Variants in ITPR2 observed in about 807,000 individuals in gnomAD.
ITPR2 encodes the protein inositol 1,4,5-trisphosphate receptor type 2.
ITPR2 carries 207 observed loss-of-function variants against 317.1 expected under a neutral mutation model. The ratio of observed to expected loss-of-function variants is 0.65; its 90% CI spans 0.58 to 0.73. The LOEUF is 0.73. Ranked by LOEUF, ITPR2 falls within the 30% of genes least tolerant of loss-of-function variation. The pLI is 0.00. For synonymous variants in ITPR2, 1,156 were observed against 1,149.1 expected (o/e 1.01, Z -0.12); for missense variants, 2,613 against 3,284.0 (o/e 0.80, Z 4.99).
At chr12:26,524,722 A>G (rs1943764036) in intron 37 of ITPR2, among the ~76,000 whole-genome samples, 1 of 152,188 alleles carries the variant, frequency 6.6e-6, no homozygotes, top group African/African-American at 2.4e-5. Flanking sequence ...AAGTACACAA[A>G]CCAGATATTT....
At chr12:26,615,348 A>G (rs1382954030) in intron 26 of ITPR2, among the ~76,000 whole-genome samples, 1 of 152,048 alleles carries the variant, frequency 6.6e-6, no homozygotes, top group Non-Finnish European at 1.5e-5. Flanking sequence ...GAAAAAAATG[A>G]AATTTCAGGT....
chr12:26,829,663 T>C (rs190163199), intron 1 of ITPR2, among the ~76,000 whole-genome samples: 216 of 152,306 alleles, frequency 1.4e-3, no homozygotes, highest in African/African-American at 5.0e-3. Context: ...TGAGTATCCT[T>C]TGGACACTAT....
chr12:26,600,051 C>T lies in ITPR2; in HGVS notation c.3737G>A (p.Cys1246Tyr). ...AACTTGATTCTGTGGATTTCCTCGACAGAAATTCTGCAGAAATGTATGGGC... is the reference window on the plus strand; with the variant it reads ...AACTTGATTCTGTGGATTTCCTCGATAGAAATTCTGCAGAAATGTATGGGC... ...NLAHTFLQNF[C>Y]RGNPQNQVLL... The change falls in exon 29 of 57, where the codon TGT (cysteine) becomes TAT (tyrosine). Residue 1246 changes from cysteine to tyrosine, a missense_variant. Transcript: ENST00000381340. 1 of 1,606,756 alleles carries T rather than the reference C, an allele frequency of 6.2e-7. No homozygotes were observed. Among genetic ancestry groups the T allele is most frequent in the Non-Finnish European group, 8.5e-7 (1 of 1,173,564 alleles).
At chr12:26,492,635 A>G (rs537851294) in intron 39 of ITPR2, among the ~76,000 whole-genome samples, 7 of 152,304 alleles carry the variant, frequency 4.6e-5, no homozygotes, top group African/African-American at 1.7e-4. Flanking sequence ...TCATCCATTG[A>G]TAAGTGAAAT....
Position 26,597,701 on chromosome 12 carries a change from T to C in ITPR2, c.4003-567A>G, listed in dbSNP as rs181880391. ...CAAAAAACCGAGAGAAACAAAGATA[T>C]GAATAGGTAGGGTCTTTTAAGACAT... On this transcript the variant is annotated intron_variant, in intron 30 of 56. Transcript: ENST00000381340. Among the ~76,000 whole-genome samples, 8 of 152,264 alleles carry C rather than the reference T, an allele frequency of 5.3e-5. No individual in the cohort carries two copies. In the East Asian group the frequency reaches 1.5e-3, roughly 29 times the overall value.
chr12:26,567,950 T>TTATA (rs371931358), intron 34 of ITPR2, among the ~76,000 whole-genome samples: 2 of 112,210 alleles, frequency 1.8e-5, no homozygotes, highest in East Asian at 3.1e-4. Context: ...TATATATATA[T>TTATA]TATATATATA....
At chr12:26,392,439 A>G (rs1476775369) in intron 54 of ITPR2, among the ~76,000 whole-genome samples, 1 of 151,790 alleles carries the variant, frequency 6.6e-6, no homozygotes, top group Non-Finnish European at 1.5e-5. Context: ...CACTTCCACC[A>G]CCGACTCCCA....
intron 2 of ITPR2, among the ~76,000 whole-genome samples, chr12:26,745,282 T>G (rs1949300350): frequency 6.6e-6 from 1 of 152,266 alleles, no homozygotes; most frequent in Non-Finnish European, 1.5e-5. Context: ...CTGGTTCAAC[T>G]GATGCTGAGT....
chr12:26,356,504 A>T (rs1430568283), intron 55 of ITPR2, among the ~76,000 whole-genome samples: 1 of 152,244 alleles, frequency 6.6e-6, no homozygotes, highest in Non-Finnish European at 1.5e-5. Flanking sequence ...TCATAATTAT[A>T]AGATGCGTAG....
intron 32 of ITPR2, among the ~76,000 whole-genome samples, chr12:26,591,079 C>CAAAAAAAAAA (rs34387951): frequency 2.3e-5 from 1 of 43,404 alleles, no homozygotes; most frequent in Non-Finnish European, 4.0e-5. Context: ...GACTCCATCT[C>CAAAAAAAAAA]AAAAAAAAAA....
At chr12:26,638,139 A>T (rs537531600) in intron 21 of ITPR2, among the ~76,000 whole-genome samples, 1 of 152,368 alleles carries the variant, frequency 6.6e-6, no homozygotes, top group South Asian at 2.1e-4. Flanking sequence ...AAAGCAATTC[A>T]TATAAAATAG....
intron 37 of ITPR2, among the ~76,000 whole-genome samples, chr12:26,528,117 TG>T (rs907836287): frequency 7.9e-5 from 12 of 152,242 alleles, no homozygotes; most frequent in African/African-American, 2.9e-4. Flanking sequence ...GCCGTTAGGT[TG>T]GGGGGAAATA....
At chr12:26,485,963 T>G (rs915289510) in intron 41 of ITPR2, 141 bp downstream of exon 41, 4 of 898,992 alleles carry the variant, frequency 4.4e-6, no homozygotes, top group Non-Finnish European at 6.8e-6. Flanking sequence ...CAAAGTTTCT[T>G]CCCATTTCAG....
intron 2 of ITPR2, among the ~76,000 whole-genome samples, chr12:26,775,959 T>TATATACACATA (rs1263788006): frequency 6.9e-6 from 1 of 145,088 alleles, no homozygotes; most frequent in Non-Finnish European, 1.5e-5. Context: ...TATATGTATA[T>TATATACACATA]CCTATTAGTT....
intron 5 of ITPR2, 70 bp downstream of exon 5, chr12:26,722,327 A>G (rs1948852237): frequency 7.4e-7 from 1 of 1,359,774 alleles, no homozygotes; most frequent in Admixed American, 2.3e-5. Flanking sequence ...TACTTTCTGG[A>G]TTATCTTACT....
intron 20 of ITPR2, 86 bp downstream of exon 20, chr12:26,655,622 A>G (rs2136901967): frequency 8.2e-7 from 1 of 1,221,870 alleles, no homozygotes; most frequent in Non-Finnish European, 1.1e-6. Flanking sequence ...TCAAAAAAAA[A>G]AAAAAAAAAA....
intron 2 of ITPR2, among the ~76,000 whole-genome samples, chr12:26,769,370 A>G (rs532920326): frequency 4.6e-5 from 7 of 152,192 alleles, no homozygotes; most frequent in Non-Finnish European, 1.0e-4. Context: ...CAAACTGTAA[A>G]CAGGGCACCT....
chr12:26,615,509 C>T (rs1946355785), intron 26 of ITPR2, among the ~76,000 whole-genome samples: 1 of 152,026 alleles, frequency 6.6e-6, no homozygotes, highest in South Asian at 2.1e-4. Flanking sequence ...AGGAAATGAA[C>T]AGATATGTAC....
chr12:26,347,414 T>C lies in ITPR2; in HGVS notation c.7858-7086A>G, dbSNP rs113830621. On this transcript the variant is annotated intron_variant, in intron 55 of 56. Coordinates refer to ENST00000381340, the MANE Select transcript of ITPR2 (RefSeq NM_002223.4). ...TCCTACTTGTGGGCTGCCTACCAAATGGCAGGCACTTTTTAATCATGCTAT... is the reference window on the plus strand; with the variant it reads ...TCCTACTTGTGGGCTGCCTACCAAACGGCAGGCACTTTTTAATCATGCTAT... Among the ~76,000 whole-genome samples, 1,187 of 152,304 alleles carry C rather than the reference T, an allele frequency of 7.8e-3. 5 individuals carry two copies. Among genetic ancestry groups the C allele is most frequent in the Non-Finnish European group, 0.013 (883 of 68,012 alleles).
Sources: allele counts gnomAD v4.1 joint callset (sites outside exome capture counted in the v4.1 genomes callset), GRCh38; gene constraint gnomAD v4.1.1; transcripts MANE v1.5; gene names NCBI Gene and HGNC (gene_info 2026-07-23, HGNC 2026-07-21).